The following CSMD3 variants were observed in gnomAD, a reference collection of about 807,000 sequenced individuals.
CSMD3 encodes the protein CUB and Sushi multiple domains 3.
Under a neutral mutation model 435.2 loss-of-function variants are expected in CSMD3, and 177 were observed. The ratio of observed to expected loss-of-function variants is 0.41; its 90% CI spans 0.36 to 0.46. CSMD3 has a LOEUF of 0.46. Ranked by LOEUF, CSMD3 falls within the 20% of genes least tolerant of loss-of-function variation. The pLI is 0.34. For missense variants in CSMD3, 4,265 were observed against 4,504.6 expected (o/e 0.95, Z 1.52); for synonymous variants, 1,656 against 1,520.5 (o/e 1.09, Z -2.07).
chr8:113,333,218 TACTC>T (rs548315340), intron 1 of CSMD3, among the ~76,000 whole-genome samples: 158 of 151,842 alleles, frequency 1.0e-3, no homozygotes, highest in African/African-American at 3.7e-3. Flanking sequence ...TATTATCTGA[TACTC>T]AATAGCTGTT....
chr8:113,156,375 A>C (rs1283155455), intron 4 of CSMD3, among the ~76,000 whole-genome samples: 1 of 152,078 alleles, frequency 6.6e-6, no homozygotes, highest in Non-Finnish European at 1.5e-5. Context: ...TATCACTCAT[A>C]ATTTGTAATT....
rs1331307812 is a variant in CSMD3 at position 112,231,607 on chromosome 8, G to C, written c.10766C>G (p.Thr3589Ser). 1 of 1,611,916 alleles carries C rather than the reference G, an allele frequency of 6.2e-7. No individual in the cohort carries two copies. ...GFVSAEPDGATYVFQGFIQGK... is the reference protein window; with the variant it reads ...GFVSAEPDGASYVFQGFIQGK... ...TTGAATAAATCCTTGAAATACATAA[G>C]TAGCTCCATCAGGCTCAGCAGAAAC... The change falls in exon 69 of 71, where the codon ACT (threonine) becomes AGT (serine). Residue 3589 changes from threonine (T) to serine (S), a missense_variant. Thr to Ser is a moderately conservative substitution (Grantham distance 58). Around this residue, in one of 3 missense-constraint regions of CSMD3, gnomAD observed 3,255 missense variants for 3,380.2 expected, o/e 0.96. Coordinates refer to ENST00000297405, the MANE Select transcript of CSMD3 (RefSeq NM_198123.2).
At chr8:112,637,079 GTATATTCC>G in intron 21 of CSMD3, 74 bp from the exon 22 acceptor site, 2 of 1,185,764 alleles carry the variant, frequency 1.7e-6, no homozygotes, top group Non-Finnish European at 2.5e-6. Flanking sequence ...ACTTTTAAAG[GTATATTCC>G]TATTGTTTTT....
At chr8:113,365,118 C>T (rs750188243) in intron 1 of CSMD3, among the ~76,000 whole-genome samples, 16 of 151,874 alleles carry the variant, frequency 1.1e-4, no homozygotes, top group Non-Finnish European at 2.1e-4. Flanking sequence ...ATGAGCTTTC[C>T]TTAAGGAAAA....
intron 3 of CSMD3, among the ~76,000 whole-genome samples, chr8:113,210,045 T>A (rs867968343): frequency 4.3e-4 from 45 of 103,466 alleles, no homozygotes; most frequent in African/African-American, 3.1e-4. Context: ...TGTGTGTGTG[T>A]GATACACAGT....
chr8:113,329,651 T>A, intron 1 of CSMD3, among the ~76,000 whole-genome samples: 1 of 148,524 alleles, frequency 6.7e-6, no homozygotes, highest in East Asian at 2.0e-4. Flanking sequence ...CCAGGAAAAA[T>A]AACATATAGA....
intron 3 of CSMD3, among the ~76,000 whole-genome samples, chr8:113,256,734 C>G (rs1339350589): frequency 6.6e-6 from 1 of 152,090 alleles, no homozygotes; most frequent in Non-Finnish European, 1.5e-5. Context: ...TTTACTGAAG[C>G]CACCAAAATA....
At chr8:112,259,028 G>A (rs1291286707) in intron 61 of CSMD3, among the ~76,000 whole-genome samples, 1 of 151,378 alleles carries the variant, frequency 6.6e-6, no homozygotes, top group African/African-American at 2.4e-5. Flanking sequence ...TACAGAGCGA[G>A]AATCTATCTC....
At chr8:112,536,803 A>G (rs1161736195) in intron 27 of CSMD3, among the ~76,000 whole-genome samples, 10 of 151,632 alleles carry the variant, frequency 6.6e-5, no homozygotes, top group African/African-American at 2.4e-4. Context: ...GATTAAGAAA[A>G]TGTGGCACAT....
At chr8:112,825,109 C>T (rs1414205085) in intron 12 of CSMD3, among the ~76,000 whole-genome samples, 1 of 152,114 alleles carries the variant, frequency 6.6e-6, no homozygotes, top group Non-Finnish European at 1.5e-5. Context: ...CTATTGATAC[C>T]TGTGTATGAT....
At chr8:112,549,995 GT>G (rs1245606916) in intron 27 of CSMD3, among the ~76,000 whole-genome samples, 2 of 151,974 alleles carry the variant, frequency 1.3e-5, no homozygotes, top group Non-Finnish European at 2.9e-5. Flanking sequence ...GCATTAACAA[GT>G]TAAAACAGCA....
chr8:112,344,179 G>A (rs1825457612), intron 41 of CSMD3, among the ~76,000 whole-genome samples: 2 of 152,128 alleles, frequency 1.3e-5, no homozygotes, highest in South Asian at 4.1e-4. Context: ...ACCATGCCTG[G>A]CCTGGTTACT....
intron 10 of CSMD3, among the ~76,000 whole-genome samples, chr8:112,902,789 A>G (rs2082141832): frequency 6.6e-6 from 1 of 151,334 alleles, no homozygotes; most frequent in Non-Finnish European, 1.5e-5. Context: ...CTATTGTCAC[A>G]AAAAGCATTC....
intron 32 of CSMD3, among the ~76,000 whole-genome samples, chr8:112,452,675 A>G (rs1274628021): frequency 6.6e-6 from 1 of 152,198 alleles, no homozygotes; most frequent in Non-Finnish European, 1.5e-5. Flanking sequence ...GTTTTCACAT[A>G]GCAATGGATT....
intron 5 of CSMD3, among the ~76,000 whole-genome samples, chr8:113,066,179 TG>T (rs1376470873): frequency 6.7e-6 from 1 of 149,986 alleles, no homozygotes; most frequent in African/African-American, 2.5e-5. Context: ...CGAGACAAAT[TG>T]TTTGGTATAT....
intron 59 of CSMD3, among the ~76,000 whole-genome samples, chr8:112,269,069 T>C (rs1244116823): frequency 2.6e-5 from 4 of 152,248 alleles, no homozygotes; most frequent in Middle Eastern, 3.4e-3. Flanking sequence ...CTTCAAACAT[T>C]TCCAAATGTC....
chr8:112,332,242 A>G (rs1328253740), intron 45 of CSMD3, among the ~76,000 whole-genome samples: 1 of 152,186 alleles, frequency 6.6e-6, no homozygotes, highest in Non-Finnish European at 1.5e-5. Context: ...AAGTTTGGTA[A>G]AAAGAGTAAG....
chr8:113,347,154 GGAAAGAGC>G lies in CSMD3; in HGVS notation c.179-32369_179-32362del, dbSNP rs199929573. On this transcript the variant is annotated intron_variant, in intron 1 of 70. Coordinates refer to ENST00000297405, the MANE Select transcript of CSMD3 (RefSeq NM_198123.2). ...AATCTTTGCAAGAAAGTGCTGAGCT[GGAAAGAGC>G]AGAGAAAATATTTCCACATCAATAA... Among the ~76,000 whole-genome samples the G allele has an allele frequency of 2.0e-3, 305 of 152,212 alleles. 7 individuals are homozygous for G. The East Asian group carries it at 0.048, about 24-fold the overall frequency.
chr8:112,534,436 T>C (rs548426564), intron 27 of CSMD3, among the ~76,000 whole-genome samples: 1 of 151,902 alleles, frequency 6.6e-6, no homozygotes, highest in Non-Finnish European at 1.5e-5. Context: ...CTAGAAGAAA[T>C]GGATAAATTC....
Sources: allele counts gnomAD v4.1 joint callset (sites outside exome capture counted in the v4.1 genomes callset), GRCh38; gene constraint gnomAD v4.1.1; regional missense constraint gnomAD v4.1.1; transcripts MANE v1.5; gene names NCBI Gene and HGNC (gene_info 2026-07-23, HGNC 2026-07-21).